Variants in ZCWPW2 observed in about 807,000 individuals in gnomAD.
ZCWPW2 encodes the protein zinc finger CW-type PWWP domain protein 2.
Under a neutral mutation model 46.6 loss-of-function variants are expected in ZCWPW2, and 45 were observed. The ratio of observed to expected loss-of-function variants is 0.96; its 90% confidence interval spans 0.76 to 1.24. ZCWPW2 has a LOEUF of 1.24. Ranked by LOEUF, ZCWPW2 falls within the 50% of genes most tolerant of loss-of-function variation. The probability of loss-of-function intolerance (pLI) is 0.00; values close to 1 mark genes in which losing one functional copy is unlikely to be tolerated. For synonymous variants in ZCWPW2, 152 were observed against 137.1 expected (o/e 1.11, Z -0.76); for missense variants, 429 against 403.9 (o/e 1.06, Z -0.53).
chr3:28,453,068 T>C (rs756625332), intron 4 of ZCWPW2, among the ~76,000 whole-genome samples: 1 of 152,194 alleles, frequency 6.6e-6, no homozygotes, highest in Non-Finnish European at 1.5e-5. Flanking sequence ...GGAAATAAGT[T>C]AGAGCCTTCT....
Position 28,365,451 on chromosome 3 carries a change from G to A in ZCWPW2, c.-134+16248G>A, listed in dbSNP as rs1705090776. ...TTGTCAGGTTTGTCAAAGATCATAT[G>A]GTTGTAGATATGCAGCATTATTTCT... On this transcript the variant is annotated intron_variant, in intron 1 of 9. Coordinates refer to ENST00000383768, the MANE Select transcript of ZCWPW2 (RefSeq NM_001040432.4). Among the ~76,000 whole-genome samples the A allele has an allele frequency of 2.1e-5, 3 of 140,724 alleles. 1 individual carries two copies. In the Admixed American group the frequency reaches 2.3e-4, roughly 11 times the overall value. The allele number at this position is 140,724 out of a possible 152,430, so 92.3% of individuals were successfully genotyped here.
intron 2 of ZCWPW2, chr3:28,398,230 GA>G (rs1316535968): frequency 6.6e-6 from 1 of 152,092 alleles, no homozygotes; most frequent in East Asian, 1.9e-4. Context: ...GTGAAGAGTC[GA>G]GGTAAAAAGA....
At chr3:28,393,042 A>G (rs1248431076) in intron 2 of ZCWPW2, among the ~76,000 whole-genome samples, 1 of 152,054 alleles carries the variant, frequency 6.6e-6, no homozygotes, top group Non-Finnish European at 1.5e-5. Flanking sequence ...GATAAACAAA[A>G]TTGACAAACC....
intron 4 of ZCWPW2, among the ~76,000 whole-genome samples, chr3:28,476,448 C>G (rs999436660): frequency 6.6e-6 from 1 of 152,058 alleles, no homozygotes; most frequent in Admixed American, 6.6e-5. Flanking sequence ...TTAAAACAAA[C>G]CTTTTCAGTT....
rs549212554 is a variant in ZCWPW2 at position 28,367,662 on chromosome 3, C to T, written c.-134+18459C>T. 4.9e-3 allele frequency among the ~76,000 whole-genome samples: 743 copies of T among 152,100 alleles called. 2 individuals are homozygous for T. Among genetic ancestry groups the T allele is most frequent in the African/African-American group, 9.9e-3 (410 of 41,482 alleles). On this transcript the variant is annotated intron_variant, in intron 1 of 9. Transcript: ENST00000383768. ...GAGTTCTGTAGATGTCTATTAGGTC[C>T]GCTTGGTGCAGAGCTGAGTTCAATT...
chr3:28,472,102 A>G (rs770336218), intron 4 of ZCWPW2, among the ~76,000 whole-genome samples: 4 of 152,218 alleles, frequency 2.6e-5, no homozygotes, highest in Non-Finnish European at 1.5e-5. Flanking sequence ...GACATATTTC[A>G]TGTTTATGGA....
intron 5 of ZCWPW2, among the ~76,000 whole-genome samples, chr3:28,485,302 A>AT: frequency 1.3e-5 from 2 of 152,102 alleles, no homozygotes; most frequent in Admixed American, 1.3e-4. Flanking sequence ...GTGTTAAGGT[A>AT]TTTTTTATGG....
intron 2 of ZCWPW2, among the ~76,000 whole-genome samples, chr3:28,396,056 G>T (rs929154134): frequency 2.0e-5 from 3 of 152,024 alleles, no homozygotes; most frequent in African/African-American, 7.2e-5. Context: ...AAGGGCAAAG[G>T]AGCTGATAAT....
At chr3:28,461,436 C>T (rs1052227690) in intron 4 of ZCWPW2, 1 of 151,924 alleles carries the variant, frequency 6.6e-6, no homozygotes, top group African/African-American at 2.4e-5. Flanking sequence ...ACTTTACAGA[C>T]CTAAATTGTT....
chr3:28,358,871 A>G (rs576834973), intron 1 of ZCWPW2, among the ~76,000 whole-genome samples: 1 of 152,178 alleles, frequency 6.6e-6, no homozygotes, highest in South Asian at 2.1e-4. Context: ...AAATAATTCA[A>G]ATTTTCTGTT....
At chr3:28,388,874 T>A (rs1032492206) in intron 1 of ZCWPW2, among the ~76,000 whole-genome samples, 7 of 152,204 alleles carry the variant, frequency 4.6e-5, no homozygotes, top group African/African-American at 1.7e-4. Flanking sequence ...TTAACTTTAG[T>A]CACAGTACGT....
chr3:28,465,804 A>T (rs73046785), intron 4 of ZCWPW2, among the ~76,000 whole-genome samples: 107 of 152,314 alleles, frequency 7.0e-4, no homozygotes, highest in Non-Finnish European at 1.2e-3. Flanking sequence ...AATAGGAAAA[A>T]ACGATTAAAA....
intron 6 of ZCWPW2, among the ~76,000 whole-genome samples, chr3:28,493,150 G>GTTTTTTTTTTTTTTTATTTT (rs11426112): frequency 1.2e-5 from 1 of 82,060 alleles, no homozygotes; most frequent in Non-Finnish European, 2.3e-5. Context: ...TTTTTTTAAT[G>GTTTTTTTTTTTTTTTATTTT]TTTTTTTTTT....
chr3:28,446,681 T>G (rs1410012723), intron 4 of ZCWPW2, among the ~76,000 whole-genome samples: 1 of 151,738 alleles, frequency 6.6e-6, no homozygotes, highest in Non-Finnish European at 1.5e-5. Context: ...AGAGCAGAGA[T>G]AAGATATATA....
intron 5 of ZCWPW2, among the ~76,000 whole-genome samples, chr3:28,485,556 A>G (rs6763250): frequency 0.23 from 35,313 of 152,024 alleles, 4,545 homozygotes; most frequent in Admixed American, 0.29. Context: ...TGCCTCTCAT[A>G]TTTTGATGCT....
At chr3:28,352,319 G>A (rs575476862) in intron 1 of ZCWPW2, among the ~76,000 whole-genome samples, 1 of 152,022 alleles carries the variant, frequency 6.6e-6, no homozygotes, top group African/African-American at 2.4e-5. Context: ...TTCCCGGGGG[G>A]GTTATATAGT....
chr3:28,388,796 G>A (rs1355731545), intron 1 of ZCWPW2, among the ~76,000 whole-genome samples: 1 of 152,194 alleles, frequency 6.6e-6, no homozygotes, highest in East Asian at 1.9e-4. Flanking sequence ...TGATAACCCA[G>A]TCCTTCATTC....
intron 4 of ZCWPW2, among the ~76,000 whole-genome samples, chr3:28,456,544 C>T (rs560674039): frequency 2.0e-4 from 31 of 152,294 alleles, no homozygotes; most frequent in Middle Eastern, 3.4e-3. Flanking sequence ...CAATCCTTAT[C>T]TTGTTCCAGT....
At chr3:28,520,539 T>G (rs1160092760) in intron 8 of ZCWPW2, among the ~76,000 whole-genome samples, 1 of 152,220 alleles carries the variant, frequency 6.6e-6, no homozygotes, top group Non-Finnish European at 1.5e-5. Flanking sequence ...CACTCTCATT[T>G]GTTTATGTAC....
Sources: allele counts gnomAD v4.1 joint callset (sites outside exome capture counted in the v4.1 genomes callset), GRCh38; gene constraint gnomAD v4.1.1; transcripts MANE v1.5; gene names NCBI Gene and HGNC (gene_info 2026-07-23, HGNC 2026-07-21).